The following STXBP6 variants were observed in gnomAD, a reference collection of about 807,000 sequenced individuals.
The protein encoded by STXBP6 is syntaxin binding protein 6, also known as syntaxin-binding protein 6.
STXBP6 carries 21 observed loss-of-function variants against 26.9 expected under a neutral mutation model. That is an observed-to-expected ratio of 0.78 (90% CI 0.55 to 1.12). The LOEUF is 1.12. STXBP6 is among the 50% of genes most tolerant of loss of function. STXBP6 has a pLI of 0.00. For synonymous variants in STXBP6, 97 were observed against 92.6 expected (o/e 1.05, Z -0.27); for missense variants, 232 against 257.9 (o/e 0.90, Z 0.69).
intron 2 of STXBP6, among the ~76,000 whole-genome samples, chr14:24,861,924 A>C (rs1218460830): frequency 6.6e-6 from 1 of 152,096 alleles, no homozygotes; most frequent in Non-Finnish European, 1.5e-5. Flanking sequence ...CCCATCTTAG[A>C]ATCTGGCTCT....
chr14:24,834,000 C>T (rs1263131339), intron 4 of STXBP6, among the ~76,000 whole-genome samples: 2 of 152,036 alleles, frequency 1.3e-5, no homozygotes, highest in Admixed American at 6.6e-5. Context: ...ATTGAAAACT[C>T]ATTTTTTTTT....
chr14:24,813,557 A>T (rs1301017646), intron 5 of STXBP6, among the ~76,000 whole-genome samples: 3 of 152,180 alleles, frequency 2.0e-5, no homozygotes, highest in African/African-American at 7.2e-5. Context: ...CCAGAGTCTG[A>T]TATCAGGGAC....
intron 1 of STXBP6, chr14:24,987,890 T>A (rs2074372853): frequency 1.0e-6 from 1 of 985,320 alleles, no homozygotes; most frequent in South Asian, 4.7e-5. Context: ...ACTTACTCAT[T>A]CAATATCACT....
intron 4 of STXBP6, among the ~76,000 whole-genome samples, chr14:24,851,872 C>CAG (rs1370811310): frequency 6.6e-6 from 1 of 152,110 alleles, no homozygotes; most frequent in African/African-American, 2.4e-5. Context: ...TGCTGGGCCT[C>CAG]AGTTTTCCCA....
At chr14:24,909,058 C>A (rs1321742683) in intron 2 of STXBP6, among the ~76,000 whole-genome samples, 1 of 152,196 alleles carries the variant, frequency 6.6e-6, no homozygotes, top group Non-Finnish European at 1.5e-5. Flanking sequence ...TCTGTGTTAT[C>A]TTTAGGGATA....
intron 2 of STXBP6, among the ~76,000 whole-genome samples, chr14:24,900,613 C>CA (rs991398672): frequency 3.3e-5 from 5 of 152,290 alleles, no homozygotes; most frequent in African/African-American, 1.2e-4. Flanking sequence ...GAAAGTTCTA[C>CA]AAAATTATTC....
intron 2 of STXBP6, among the ~76,000 whole-genome samples, chr14:24,931,105 G>A (rs9743956): frequency 0.47 from 43,173 of 91,534 alleles, 9,036 homozygotes; most frequent in Middle Eastern, 0.58. Flanking sequence ...GCGACAGAGC[G>A]AGACTCCGTC....
intron 5 of STXBP6, among the ~76,000 whole-genome samples, chr14:24,818,777 G>T (rs2068054069): frequency 1.3e-5 from 2 of 152,176 alleles, no homozygotes. Context: ...AGGAACTAAA[G>T]ATGGTCCATA....
intron 4 of STXBP6, among the ~76,000 whole-genome samples, chr14:24,849,012 T>C (rs1198624036): frequency 6.6e-6 from 1 of 152,108 alleles, no homozygotes; most frequent in African/African-American, 2.4e-5. Context: ...GATGGTTACT[T>C]TGATGGGTCA....
At chr14:25,040,700 T>C (rs2075629099) in intron 1 of STXBP6, among the ~76,000 whole-genome samples, 1 of 152,182 alleles carries the variant, frequency 6.6e-6, no homozygotes, top group Non-Finnish European at 1.5e-5. Flanking sequence ...GCTCAACATA[T>C]GTTTATTGAT....
chr14:25,036,139 C>T (rs1263970184), intron 1 of STXBP6, among the ~76,000 whole-genome samples: 1 of 148,738 alleles, frequency 6.7e-6, no homozygotes. Context: ...AACACTTGAA[C>T]CCGGGAGACG....
At chr14:24,880,507 T>C (rs893633706) in intron 2 of STXBP6, among the ~76,000 whole-genome samples, 1 of 152,080 alleles carries the variant, frequency 6.6e-6, no homozygotes, top group Non-Finnish European at 1.5e-5. Flanking sequence ...CCAGGAAACG[T>C]ACAGGAAGTC....
chr14:24,952,058 G>C (rs1021429863), intron 2 of STXBP6, among the ~76,000 whole-genome samples: 102 of 151,000 alleles, frequency 6.8e-4, no homozygotes, highest in African/African-American at 2.4e-3. Context: ...AAATATTAAA[G>C]AATGAAATGA....
intron 3 of STXBP6, among the ~76,000 whole-genome samples, 179 bp downstream of exon 3, chr14:24,856,847 GA>G (rs759863386): frequency 6.6e-6 from 1 of 151,966 alleles, no homozygotes; most frequent in African/African-American, 2.4e-5. Context: ...TAAACATGAT[GA>G]AAAGATTTAT....
At chr14:24,841,743 A>AT (rs1184529984) in intron 4 of STXBP6, among the ~76,000 whole-genome samples, 1 of 152,056 alleles carries the variant, frequency 6.6e-6, no homozygotes, top group Non-Finnish European at 1.5e-5. Context: ...TTCCAGGATT[A>AT]TTTTTTTCTA....
At chr14:24,838,671 G>A (rs1311164262) in intron 4 of STXBP6, among the ~76,000 whole-genome samples, 4 of 151,198 alleles carry the variant, frequency 2.6e-5, no homozygotes, top group South Asian at 2.1e-4. Flanking sequence ...GTGACAGATC[G>A]AGATCCCGTC....
chr14:24,937,903 G>A (rs1595148666), intron 2 of STXBP6, among the ~76,000 whole-genome samples: 1 of 152,268 alleles, frequency 6.6e-6, no homozygotes, highest in East Asian at 1.9e-4. Context: ...CCAGTATTCT[G>A]GGTTTTATGG....
chr14:24,821,915 A>G (rs568545706), intron 4 of STXBP6, among the ~76,000 whole-genome samples: 7 of 152,080 alleles, frequency 4.6e-5, no homozygotes, highest in African/African-American at 1.7e-4. Context: ...ATTTTCTTCT[A>G]TCTGGGATCC....
chr14:24,943,451 C>A (rs1015065286), intron 2 of STXBP6, among the ~76,000 whole-genome samples: 1 of 152,224 alleles, frequency 6.6e-6, no homozygotes, highest in Non-Finnish European at 1.5e-5. Context: ...CTGGGTACAG[C>A]TGAATGGAAA....
Sources: gnomAD v4.1 joint callset for allele counts (sites outside exome capture counted in the v4.1 genomes callset) on GRCh38, gnomAD v4.1.1 for gene constraint, MANE v1.5 for transcripts, NCBI Gene and HGNC (gene_info 2026-07-23, HGNC 2026-07-21) for gene names.